ADGRG2: variants seen among roughly 807,000 people sequenced by gnomAD.
ADGRG2 encodes adhesion G protein-coupled receptor G2.
In ADGRG2, 26 loss-of-function variants were observed where a neutral mutation model predicts 74.1. The observed-to-expected ratio is 0.35, with a 90% confidence interval of 0.26 to 0.49. ADGRG2 has a LOEUF of 0.49. ADGRG2 is among the 20% of genes least tolerant of loss of function. The pLI, the probability that ADGRG2 is intolerant of heterozygous loss-of-function variation, is 0.99. For synonymous variants in ADGRG2, 296 were observed against 295.2 expected, an observed-to-expected ratio of 1.00 and a Z score of -0.03; for missense variants, 619 against 763.1, an observed-to-expected ratio of 0.81 and a Z score of 2.22.
At chrX:19,070,808 A>T (rs1157663723) in intron 2 of ADGRG2, among the ~76,000 whole-genome samples, 1 of 111,852 alleles carries the variant, frequency 8.9e-6, no homozygotes, top group East Asian at 2.8e-4. Context: ...GCCCCATAAT[A>T]TCTGAGTGAC....
intron 1 of ADGRG2, among the ~76,000 whole-genome samples, chrX:19,086,898 A>G (rs771711656): frequency 1.8e-5 from 2 of 111,791 alleles, no homozygotes; most frequent in South Asian, 3.9e-4. Context: ...ACACCATGGA[A>G]GAAATGACCA....
At chrX:19,116,848 A>G (rs1278224923) in intron 1 of ADGRG2, among the ~76,000 whole-genome samples, 2 of 112,307 alleles carry the variant, frequency 1.8e-5, no homozygotes, top group Non-Finnish European at 3.8e-5. Context: ...GGGTAGTCAA[A>G]TCAATTTGGA....
chrX:19,055,238 CTT>C (rs1174041772), intron 3 of ADGRG2, among the ~76,000 whole-genome samples: 1 of 90,950 alleles, frequency 1.1e-5, no homozygotes, highest in African/African-American at 4.6e-5. Flanking sequence ...TAGCAAATCC[CTT>C]TGTGTGTGTG....
At chrX:19,112,565 T>C (rs1337376101) in intron 1 of ADGRG2, among the ~76,000 whole-genome samples, 7 of 107,635 alleles carry the variant, frequency 6.5e-5, no homozygotes, top group Non-Finnish European at 1.1e-4. Flanking sequence ...TATAATGTCA[T>C]CCACGCAGTG....
intron 3 of ADGRG2, 35 bp downstream of exon 3, chrX:19,068,682 G>GA (rs748564455): frequency 0.071 from 29,731 of 416,376 alleles, 4 homozygotes; most frequent in Non-Finnish European, 0.082. Context: ...CAGATAAACA[G>GA]AAAAAAAAAA....
At chrX:19,000,243 C>T (rs960386908) in intron 24 of ADGRG2, among the ~76,000 whole-genome samples, 10 of 111,552 alleles carry the variant, frequency 9.0e-5, no homozygotes, top group Admixed American at 1.9e-4. Flanking sequence ...GTGATCTGCC[C>T]GCCTCGGTCT....
intron 1 of ADGRG2, among the ~76,000 whole-genome samples, chrX:19,107,895 T>G (rs2062338281): frequency 9.9e-6 from 1 of 101,165 alleles, no homozygotes; most frequent in South Asian, 4.4e-4. Context: ...AGTCAGGAGA[T>G]CGAGACCATC....
chrX:19,053,272 C>T (rs1021720479), intron 3 of ADGRG2, among the ~76,000 whole-genome samples: 1 of 111,241 alleles, frequency 9.0e-6, no homozygotes, highest in African/African-American at 3.3e-5. Context: ...ACGATGAGGA[C>T]TTGAACCCAT....
At position 19,005,901 on chromosome X, in the gene ADGRG2, G is replaced by C. The variant is rs138260847; in HGVS notation, c.1839+101C>G. On this transcript the variant is annotated intron_variant, in intron 22 of 28. Transcript: ENST00000379869. ...AATCAGCCACAATATCATATCTGCT[G>C]ATCTGTCACGGTTATCCATCCATCA... The C allele has an allele frequency of 1.2e-3, 648 of 544,586 alleles. 3 individuals carry two copies. The East Asian group carries it at 0.019, about 16-fold the overall frequency. 44.9% of individuals were successfully genotyped at this position (544,586 alleles called of 1,213,427 possible).
intron 1 of ADGRG2, among the ~76,000 whole-genome samples, chrX:19,118,479 C>T (rs777301871): frequency 6.9e-4 from 77 of 112,139 alleles, no homozygotes; most frequent in African/African-American, 2.2e-3. Flanking sequence ...TCAAAATCCC[C>T]GGCTGAAGAG....
intron 1 of ADGRG2, among the ~76,000 whole-genome samples, chrX:19,088,087 C>T (rs2061961698): frequency 8.9e-6 from 1 of 112,180 alleles, no homozygotes; most frequent in African/African-American, 3.2e-5. Context: ...GATGACAGAA[C>T]TAAGGCATTC....
chrX:19,008,237 A>ATTT (rs1569366951), intron 18 of ADGRG2, 114 bp from the exon 19 acceptor site: 9 of 492,330 alleles, frequency 1.8e-5, no homozygotes, highest in African/African-American at 7.8e-5. Flanking sequence ...TTTTTTTTTA[A>ATTT]AAAAAGATAA....
intron 1 of ADGRG2, among the ~76,000 whole-genome samples, chrX:19,096,242 C>T: frequency 9.2e-6 from 1 of 108,392 alleles, no homozygotes; most frequent in East Asian, 2.9e-4. Flanking sequence ...GAAACCCTGT[C>T]TCTACCAAAA....
chrX:18,996,062 G>A lies in ADGRG2; in HGVS notation c.2705C>T (p.Ala902Val). The A allele has an allele frequency of 2.7e-6, 3 of 1,128,826 alleles. No individual in the cohort carries two copies. The highest frequency in any genetic ancestry group is 3.6e-6 in the Non-Finnish European group (3 of 822,256). The allele number at this position is 1,128,826 out of a possible 1,213,427, so 93.0% of individuals were successfully genotyped here. Reference protein sequence around the residue: ...RYLCCGKLRLAENSDWSKTAT... With the variant: ...RYLCCGKLRLVENSDWSKTAT... Reference sequence around the variant, plus strand: ...AGGTAAATCTTTACCAGAATTTTCAGCCAGCCGTAACTTTCCACAACAAAG... The same window carrying A: ...AGGTAAATCTTTACCAGAATTTTCAACCAGCCGTAACTTTCCACAACAAAG... The change falls in exon 27 of 29, where the codon GCT becomes GTT. Residue 902 changes from alanine to valine, a missense_variant. Coordinates refer to ENST00000379869, the MANE Select transcript of ADGRG2 (RefSeq NM_001079858.3).
At chrX:19,036,616 AACAC>A (rs534574581) in intron 6 of ADGRG2, among the ~76,000 whole-genome samples, 1,846 of 94,675 alleles carry the variant, frequency 0.019, 43 homozygotes, top group African/African-American at 0.066. Flanking sequence ...TCATACTTAA[AACAC>A]ACACACACAC....
At chrX:19,091,015 T>C (rs1239772173) in intron 1 of ADGRG2, among the ~76,000 whole-genome samples, 4 of 111,143 alleles carry the variant, frequency 3.6e-5, no homozygotes, top group African/African-American at 1.3e-4. Context: ...TGAGAGGAAC[T>C]TGCCCACCAA....
chrX:19,023,425 T>C lies in ADGRG2; in HGVS notation c.539A>G (p.Glu180Gly). The C allele has an allele frequency of 3.6e-6, 4 of 1,112,852 alleles. No individual in the cohort carries two copies. Among genetic ancestry groups the C allele is most frequent in the Non-Finnish European group, 4.9e-6 (4 of 817,913 alleles). 91.7% of individuals were successfully genotyped at this position (1,112,852 alleles called of 1,213,427 possible). The change falls in exon 13 of 29, where the codon GAG becomes GGG. Residue 180 changes from glutamate to glycine, a missense_variant. Around this residue, in one of 3 missense-constraint regions of ADGRG2, gnomAD observed 292 missense variants for 318.0 expected, o/e 0.92. Transcript: ENST00000379869. Reference protein sequence around the residue: ...ETYFIMCATAEAQSTLNCTFT... With the variant: ...ETYFIMCATAGAQSTLNCTFT... Reference sequence around the variant, plus strand: ...ATTAAAAATGACTGACCTTTGGGCCTCTGCTGTAGCACACATTATAAAGTA... The same window carrying C: ...ATTAAAAATGACTGACCTTTGGGCCCCTGCTGTAGCACACATTATAAAGTA...
At chrX:19,049,983 C>G (rs1435352132) in intron 3 of ADGRG2, among the ~76,000 whole-genome samples, 2 of 111,482 alleles carry the variant, frequency 1.8e-5, no homozygotes, top group African/African-American at 6.5e-5. Flanking sequence ...GCAGTTTTTC[C>G]AATTTCCCTT....
intron 1 of ADGRG2, among the ~76,000 whole-genome samples, chrX:19,086,508 G>A (rs1021206649): frequency 9.0e-6 from 1 of 111,340 alleles, no homozygotes; most frequent in African/African-American, 3.3e-5. Context: ...AAGGCAGGCA[G>A]ACTTTACAAG....
Sources: gnomAD v4.1 joint callset for allele counts (sites outside exome capture counted in the v4.1 genomes callset) on GRCh38, gnomAD v4.1.1 for gene constraint, gnomAD v4.1.1 regional missense constraint, MANE v1.5 for transcripts, NCBI Gene and HGNC (gene_info 2026-07-23, HGNC 2026-07-21) for gene names.